The following KIF3C variants were observed in gnomAD, a reference collection of about 807,000 sequenced individuals.
KIF3C encodes kinesin family member 3C.
A neutral mutation model predicts 67.7 loss-of-function variants in KIF3C; 12 were observed. That is an observed-to-expected ratio of 0.18 (90% CI 0.11 to 0.29). The LOEUF is 0.29. KIF3C is among the 10% of genes least tolerant of loss of function. The pLI, the probability that KIF3C is intolerant of heterozygous loss-of-function variation, is 1.00. For synonymous variants in KIF3C, 393 were observed against 426.2 expected (o/e 0.92, Z 0.96); for missense variants, 789 against 1,059.6 (o/e 0.74, Z 3.55).
intron 1 of KIF3C, among the ~76,000 whole-genome samples, chr2:25,963,193 TATA>T (rs1297950065): frequency 1.8e-5 from 1 of 56,626 alleles, no homozygotes; most frequent in African/African-American, 1.3e-4. Flanking sequence ...TATATATATA[TATA>T]TTTTTTTTTT....
chr2:25,980,662 G>T lies in KIF3C; in HGVS notation c.1256C>A (p.Pro419His). The change falls in exon 1 of 8, where the codon CCT becomes CAT. Residue 419 changes from proline (P) to histidine (H), a missense_variant. Physicochemically the swap from Pro to His is moderately conservative, Grantham distance 77. Transcript: ENST00000264712. This position sits in a 1 kb window ranked among gnomAD's most constrained non-coding sequence, Gnocchi z 7.6. ...SRRKKAVSAP[P>H]GYPEGPVIEA... The stretch of plus-strand genomic sequence containing the variant: ...AATCACTGGGCCCTCAGGGTACCCA[G>T]GCGGGGCGGACACGGCCTTCTTCCT... 2 of 1,614,044 alleles carry T rather than the reference G, an allele frequency of 1.2e-6. No homozygotes were observed. The highest frequency in any genetic ancestry group is 3.3e-5 in the Admixed American group (2 of 60,012).
chr2:25,978,127 C>A (rs1436802990), intron 1 of KIF3C, among the ~76,000 whole-genome samples: 2 of 152,104 alleles, frequency 1.3e-5, no homozygotes. Flanking sequence ...AGTGAGCAAA[C>A]ATGGAGGAAT....
At chr2:25,953,263 C>T (rs1200913068) in intron 4 of KIF3C, among the ~76,000 whole-genome samples, 3 of 150,106 alleles carry the variant, frequency 2.0e-5, no homozygotes, top group East Asian at 1.9e-4. Flanking sequence ...AGCAATATTC[C>T]ATCTCCAAAA....
chr2:25,932,707 C>A (rs1234969230), intron 5 of KIF3C, among the ~76,000 whole-genome samples: 1 of 151,402 alleles, frequency 6.6e-6, no homozygotes, highest in African/African-American at 2.4e-5. Context: ...GTGGCACACA[C>A]CTGTAGTCCC....
chr2:25,935,322 TA>T (rs1268169873), intron 5 of KIF3C, among the ~76,000 whole-genome samples: 2 of 151,974 alleles, frequency 1.3e-5, no homozygotes, highest in Non-Finnish European at 2.9e-5. Flanking sequence ...ACTAAGCAAA[TA>T]ATCAGAGGTA....
chr2:25,941,281 G>A (rs1663276995), intron 5 of KIF3C, among the ~76,000 whole-genome samples: 2 of 152,058 alleles, frequency 1.3e-5, no homozygotes, highest in Non-Finnish European at 2.9e-5. Context: ...TCCAGCCTGG[G>A]CAACACAGTG....
chr2:25,940,610 A>G (rs902059112), intron 5 of KIF3C, among the ~76,000 whole-genome samples: 5 of 147,658 alleles, frequency 3.4e-5, no homozygotes, highest in Non-Finnish European at 6.0e-5. Flanking sequence ...ACTCAAGGCC[A>G]CTAGTAAGTG....
Position 25,981,189 on chromosome 2 carries a change from G to A in KIF3C, c.729C>T (p.Asn243=), listed in dbSNP as rs768363140. 6.2e-7 allele frequency: 1 copy of A among 1,614,106 alleles called. No individual in the cohort carries two copies. The highest frequency in any genetic ancestry group is 1.1e-5 in the South Asian group (1 of 91,078). The change falls in exon 1 of 8, where the codon AAC becomes AAT. Residue 243 remains asparagine, a synonymous_variant. Coordinates refer to ENST00000264712, the MANE Select transcript of KIF3C (RefSeq NM_002254.8). This position sits in a 1 kb window ranked among gnomAD's most constrained non-coding sequence, Gnocchi z 8.2. ...TCTCGCTGCCAGCCAGGTCCACGAGGTTGAGCTTGCCCACTCGGATGTGGT... is the reference window on the plus strand; with the variant it reads ...TCTCGCTGCCAGCCAGGTCCACGAGATTGAGCTTGCCCACTCGGATGTGGT... ...GQDHIRVGKL[N]LVDLAGSERQ...
Position 25,981,186 on chromosome 2 carries a change from G to A in KIF3C, c.732C>T (p.Leu244=), listed in dbSNP as rs754940424. The change falls in exon 1 of 8, where the codon CTC becomes CTT. Residue 244 remains leucine (L), a synonymous_variant. Transcript: ENST00000264712. This position sits in a 1 kb window ranked among gnomAD's most constrained non-coding sequence, Gnocchi z 8.2. ...GCCTCTCGCTGCCAGCCAGGTCCAC[G>A]AGGTTGAGCTTGCCCACTCGGATGT... ...QDHIRVGKLN[L]VDLAGSERQN... 9.3e-6 allele frequency: 15 copies of A among 1,613,962 alleles called. No individual in the cohort carries two copies. The South Asian group carries it at 9.9e-5, about 11-fold the overall frequency.
chr2:25,936,978 G>A (rs1267382934), intron 5 of KIF3C, among the ~76,000 whole-genome samples: 1 of 152,216 alleles, frequency 6.6e-6, no homozygotes, highest in Non-Finnish European at 1.5e-5. Context: ...TTTACTTGGG[G>A]AAGTGGCTTA....
At chr2:25,972,503 C>A (rs1436968101) in intron 1 of KIF3C, among the ~76,000 whole-genome samples, 5 of 152,168 alleles carry the variant, frequency 3.3e-5, no homozygotes, top group Non-Finnish European at 7.4e-5. Flanking sequence ...TGGACTGTGA[C>A]CTGGATCCAA....
Position 25,958,908 on chromosome 2 carries a change from C to G in KIF3C, c.1546-2464G>C, listed in dbSNP as rs182094524. On this transcript the variant is annotated intron_variant, in intron 1 of 7. Coordinates refer to ENST00000264712, the MANE Select transcript of KIF3C (RefSeq NM_002254.8). The surrounding 1 kb of genome is among the most constrained non-coding windows in gnomAD (Gnocchi z 4.5). ...TGACCAACATGGAGAAACCCCATCTCTACTAAAAATACAAAATTAGCTGGG... is the reference window on the plus strand; with the variant it reads ...TGACCAACATGGAGAAACCCCATCTGTACTAAAAATACAAAATTAGCTGGG... 1.7e-3 allele frequency among the ~76,000 whole-genome samples: 263 copies of G among 152,200 alleles called. 2 individuals are homozygous for G. Among genetic ancestry groups the G allele is most frequent in the African/African-American group, 6.1e-3 (253 of 41,540 alleles).
intron 5 of KIF3C, among the ~76,000 whole-genome samples, chr2:25,935,841 G>C (rs575964005): frequency 6.6e-6 from 1 of 152,082 alleles, no homozygotes; most frequent in African/African-American, 2.4e-5. Context: ...ACTTTGGGAG[G>C]CCAAGGTGGG....
At chr2:25,931,958 T>A (rs1055159576) in intron 5 of KIF3C, among the ~76,000 whole-genome samples, 2 of 142,548 alleles carry the variant, frequency 1.4e-5, no homozygotes, top group Non-Finnish European at 3.0e-5. Context: ...TGAGTCAGAG[T>A]CTCACTGTCA....
intron 1 of KIF3C, among the ~76,000 whole-genome samples, chr2:25,965,390 T>C (rs2149239558): frequency 6.6e-6 from 1 of 152,280 alleles, no homozygotes; most frequent in Non-Finnish European, 1.5e-5. Flanking sequence ...GGCTTAGAAA[T>C]AGATTTTTTT....
intron 5 of KIF3C, among the ~76,000 whole-genome samples, chr2:25,939,161 T>C (rs1663220956): frequency 6.6e-6 from 1 of 151,986 alleles, no homozygotes; most frequent in South Asian, 2.1e-4. Context: ...AGAGACGGGG[T>C]TTTGCCATGT....
At chr2:25,949,113 C>T (rs1442604192) in intron 5 of KIF3C, among the ~76,000 whole-genome samples, 3 of 152,070 alleles carry the variant, frequency 2.0e-5, no homozygotes, top group East Asian at 3.8e-4. Context: ...CTGTGGAACA[C>T]GAATGTTCTC....
chr2:25,935,267 T>G (rs1375603323), intron 5 of KIF3C, among the ~76,000 whole-genome samples: 1 of 151,982 alleles, frequency 6.6e-6, no homozygotes, highest in African/African-American at 2.4e-5. Context: ...TAATAAAATT[T>G]TAAATGCATA....
intron 5 of KIF3C, among the ~76,000 whole-genome samples, chr2:25,948,715 G>A (rs1663515241): frequency 7.2e-6 from 1 of 138,856 alleles, no homozygotes; most frequent in South Asian, 2.6e-4. Context: ...AGGAAGGAAG[G>A]GAAAGAAAGA....
Sources: allele counts gnomAD v4.1 joint callset (sites outside exome capture counted in the v4.1 genomes callset), GRCh38; gene constraint gnomAD v4.1.1; non-coding constraint Gnocchi (gnomAD v3.1); transcripts MANE v1.5; gene names NCBI Gene and HGNC (gene_info 2026-07-23, HGNC 2026-07-21).